The following COL14A1 variants were observed in gnomAD, a reference collection of about 807,000 sequenced individuals.
The protein encoded by COL14A1 is collagen alpha-1(XIV) chain.
In COL14A1, 136 loss-of-function variants were observed where a neutral mutation model predicts 230.3. The ratio of observed to expected loss-of-function variants is 0.59; its 90% CI spans 0.51 to 0.68. The LOEUF is 0.68. COL14A1 is among the 30% of genes least tolerant of loss of function. The pLI is 0.00. For synonymous variants in COL14A1, 792 were observed against 784.1 expected (o/e 1.01, Z -0.17); for missense variants, 1,976 against 2,215.8 (o/e 0.89, Z 2.17).
intron 45 of COL14A1, among the ~76,000 whole-genome samples, chr8:120,354,055 G>A: frequency 8.0e-6 from 1 of 124,540 alleles, no homozygotes; most frequent in Middle Eastern, 3.3e-3. Flanking sequence ...GGAATACTAT[G>A]CAGCCATAAA....
At chr8:120,311,835 G>T (rs1013843737) in intron 37 of COL14A1, among the ~76,000 whole-genome samples, 1 of 152,120 alleles carries the variant, frequency 6.6e-6, no homozygotes, top group African/African-American at 2.4e-5. Flanking sequence ...GGTGGATCAT[G>T]CCTGTAATCT....
intron 43 of COL14A1, 76 bp from the exon 44 acceptor site, chr8:120,342,304 G>A (rs759154833): frequency 9.6e-6 from 14 of 1,454,666 alleles, no homozygotes; most frequent in Non-Finnish European, 1.3e-5. Flanking sequence ...GGGCAAGTCA[G>A]ATCCACATCC....
intron 1 of COL14A1, among the ~76,000 whole-genome samples, chr8:120,145,114 C>T (rs926069852): frequency 2.0e-5 from 3 of 151,972 alleles, no homozygotes; most frequent in Admixed American, 2.0e-4. Context: ...TTTAAATAGC[C>T]AACAAACACC....
chr8:120,334,543 C>T (rs1821983354), intron 42 of COL14A1, among the ~76,000 whole-genome samples: 1 of 150,542 alleles, frequency 6.6e-6, no homozygotes, highest in African/African-American at 2.4e-5. Flanking sequence ...CTGAAACCCA[C>T]ATGTGTGAAC....
chr8:120,332,236 A>G (rs1308177373), intron 41 of COL14A1, 42 bp downstream of exon 41: 1 of 1,569,818 alleles, frequency 6.4e-7, no homozygotes, highest in Non-Finnish European at 8.8e-7. Context: ...TCTGTTTTAA[A>G]GCACTTCATT....
chr8:120,339,894 C>T (rs748617618), intron 42 of COL14A1, among the ~76,000 whole-genome samples: 14 of 152,028 alleles, frequency 9.2e-5, no homozygotes, highest in African/African-American at 2.4e-4. Flanking sequence ...AAAAATTAGC[C>T]GGATGTGGTG....
At chr8:120,143,370 G>A (rs1814980317) in intron 1 of COL14A1, among the ~76,000 whole-genome samples, 1 of 152,202 alleles carries the variant, frequency 6.6e-6, no homozygotes, top group Non-Finnish European at 1.5e-5. Flanking sequence ...TGTAAACCCA[G>A]CACTTTGGGA....
At chr8:120,132,563 A>T (rs1185410997) in intron 1 of COL14A1, among the ~76,000 whole-genome samples, 6 of 146,220 alleles carry the variant, frequency 4.1e-5, no homozygotes, top group African/African-American at 1.5e-4. Context: ...TTTGTTTAGA[A>T]TTTTTTTTTT....
At chr8:120,267,523 G>T (rs1819533285) in intron 25 of COL14A1, among the ~76,000 whole-genome samples, 1 of 151,882 alleles carries the variant, frequency 6.6e-6, no homozygotes, top group African/African-American at 2.4e-5. Flanking sequence ...AATAGCAGTT[G>T]TATTATGTAC....
intron 19 of COL14A1, among the ~76,000 whole-genome samples, chr8:120,243,623 T>C (rs1021630095): frequency 6.6e-5 from 10 of 152,178 alleles, no homozygotes; most frequent in African/African-American, 2.2e-4. Context: ...GCCAAGAAGA[T>C]GTTGAGAGAA....
intron 26 of COL14A1, among the ~76,000 whole-genome samples, chr8:120,272,639 A>G (rs2129838770): frequency 6.6e-6 from 1 of 151,856 alleles, no homozygotes; most frequent in East Asian, 1.9e-4. Context: ...AAGCAGGAGT[A>G]GCAATTCTTA....
intron 34 of COL14A1, among the ~76,000 whole-genome samples, chr8:120,290,688 T>G (rs1820348433): frequency 6.6e-6 from 1 of 152,248 alleles, no homozygotes; most frequent in Non-Finnish European, 1.5e-5. Flanking sequence ...TCCTATACTA[T>G]GTCAAATAAA....
intron 20 of COL14A1, 72 bp downstream of exon 20, chr8:120,244,080 C>A (rs1028226628): frequency 1.5e-5 from 23 of 1,523,706 alleles, no homozygotes; most frequent in Non-Finnish European, 2.0e-5. Context: ...TGTAATGCAC[C>A]CTGAAAGATA....
Position 120,207,862 on chromosome 8 carries a change from G to T in COL14A1, c.1192-370G>T, listed in dbSNP as rs555032533. 2.0e-5 allele frequency among the ~76,000 whole-genome samples: 3 copies of T among 150,084 alleles called. No homozygotes were observed. The South Asian group carries it at 6.3e-4, about 31-fold the overall frequency. The stretch of plus-strand genomic sequence containing the variant: ...GACCAAAAAAAAAAAAAAAAGATCC[G>T]AGTGCTTCCAATGATTCTTTTATTT... On this transcript the variant is annotated intron_variant, in intron 10 of 47. Transcript: ENST00000297848.
chr8:120,183,101 T>C (rs556809276), intron 5 of COL14A1, among the ~76,000 whole-genome samples: 1 of 152,284 alleles, frequency 6.6e-6, no homozygotes, highest in South Asian at 2.1e-4. Flanking sequence ...TTTAGGTATC[T>C]TGTATTGTGG....
At chr8:120,236,571 A>G (rs887929610) in intron 19 of COL14A1, among the ~76,000 whole-genome samples, 4 of 151,972 alleles carry the variant, frequency 2.6e-5, no homozygotes, top group African/African-American at 9.7e-5. Context: ...ACTTTTAACC[A>G]ATTTGCCAGT....
chr8:120,208,579 A>G (rs1411206183), intron 11 of COL14A1, among the ~76,000 whole-genome samples: 1 of 152,196 alleles, frequency 6.6e-6, no homozygotes, highest in East Asian at 1.9e-4. Flanking sequence ...AATCTCTGAT[A>G]GGTTTAAGAG....
At chr8:120,176,959 A>G (rs369739650) in intron 5 of COL14A1, among the ~76,000 whole-genome samples, 1 of 152,284 alleles carries the variant, frequency 6.6e-6, no homozygotes, top group African/African-American at 2.4e-5. Flanking sequence ...GGTGAACTAG[A>G]AAATTGCTCC....
intron 12 of COL14A1, among the ~76,000 whole-genome samples, chr8:120,210,925 C>A (rs1412094652): frequency 1.3e-5 from 2 of 151,142 alleles, no homozygotes; most frequent in East Asian, 1.9e-4. Context: ...AAAAGAGAGA[C>A]TTACAAATAG....
Sources: allele counts gnomAD v4.1 joint callset (sites outside exome capture counted in the v4.1 genomes callset), GRCh38; gene constraint gnomAD v4.1.1; transcripts MANE v1.5; gene names NCBI Gene and HGNC (gene_info 2026-07-23, HGNC 2026-07-21).